Variants in SEMA3A observed in about 807,000 individuals in gnomAD.
SEMA3A encodes semaphorin-3A.
SEMA3A carries 29 observed loss-of-function variants against 97.9 expected under a neutral mutation model. The ratio of observed to expected loss-of-function variants is 0.30; its 90% CI spans 0.22 to 0.40. The LOEUF is 0.40. Among genes scored for constraint, SEMA3A ranks in the 10% least tolerant of loss-of-function variants. SEMA3A has a pLI of 1.00. For missense variants in SEMA3A, 763 were observed against 951.3 expected, an observed-to-expected ratio of 0.80 and a Z score of 2.60; for synonymous variants, 321 against 323.7, an observed-to-expected ratio of 0.99 and a Z score of 0.09.
intron 3 of SEMA3A, among the ~76,000 whole-genome samples, chr7:84,290,609 G>C (rs1376412495): frequency 6.6e-6 from 1 of 152,010 alleles, no homozygotes; most frequent in Non-Finnish European, 1.5e-5. Flanking sequence ...GGCATGGTAA[G>C]TCCTCTCACC....
chr7:84,159,485 T>C (rs1464154642), intron 1 of SEMA3A, among the ~76,000 whole-genome samples: 1 of 152,160 alleles, frequency 6.6e-6, no homozygotes, highest in Non-Finnish European at 1.5e-5. Context: ...ATATTACACA[T>C]AAATCCTGTC....
At chr7:84,318,862 C>A (rs1428727583) in intron 2 of SEMA3A, among the ~76,000 whole-genome samples, 1 of 152,072 alleles carries the variant, frequency 6.6e-6, no homozygotes, top group Non-Finnish European at 1.5e-5. Context: ...TATAAAGTCA[C>A]CAGATAATGC....
chr7:84,284,736 T>C (rs778426709), intron 3 of SEMA3A, among the ~76,000 whole-genome samples: 5 of 152,154 alleles, frequency 3.3e-5, no homozygotes, highest in Non-Finnish European at 7.4e-5. Flanking sequence ...AGGAGGAGAA[T>C]GTGCTTATTT....
chr7:84,420,042 A>C (rs1804544549), intron 1 of SEMA3A, among the ~76,000 whole-genome samples: 1 of 152,158 alleles, frequency 6.6e-6, no homozygotes, highest in Admixed American at 6.6e-5. Flanking sequence ...AAAAGTTACT[A>C]AATATATTTT....
chr7:84,407,464 C>T (rs1239816808), intron 1 of SEMA3A, among the ~76,000 whole-genome samples: 1 of 152,022 alleles, frequency 6.6e-6, no homozygotes, highest in Non-Finnish European at 1.5e-5. Context: ...AATGGTCATA[C>T]TGCCCAAGGT....
intron 6 of SEMA3A, among the ~76,000 whole-genome samples, chr7:84,040,021 A>G (rs1342557804): frequency 6.6e-6 from 1 of 152,078 alleles, no homozygotes; most frequent in Non-Finnish European, 1.5e-5. Flanking sequence ...ATATTTTATC[A>G]ACATGGAAAG....
chr7:84,055,189 C>G (rs1792901262), intron 5 of SEMA3A, among the ~76,000 whole-genome samples: 1 of 152,162 alleles, frequency 6.6e-6, no homozygotes, highest in African/African-American at 2.4e-5. Flanking sequence ...GAGGTGGAGC[C>G]TACAGAGGCA....
At chr7:84,013,328 A>G (rs1158773340) in intron 7 of SEMA3A, among the ~76,000 whole-genome samples, 1 of 152,180 alleles carries the variant, frequency 6.6e-6, no homozygotes, top group Non-Finnish European at 1.5e-5. Context: ...AACAATTTTT[A>G]TTCTATGTAT....
intron 1 of SEMA3A, among the ~76,000 whole-genome samples, chr7:84,479,527 A>G (rs1806389009): frequency 6.6e-6 from 1 of 152,298 alleles, no homozygotes; most frequent in South Asian, 2.1e-4. Flanking sequence ...AGAGAATAGA[A>G]CTAGATATGG....
chr7:84,264,365 T>C (rs1799938165), intron 3 of SEMA3A, among the ~76,000 whole-genome samples: 1 of 152,218 alleles, frequency 6.6e-6, no homozygotes, highest in South Asian at 2.1e-4. Context: ...CTTGTTCTTT[T>C]TAATTTTCCT....
At chr7:84,487,870 A>C (rs1156863539) in intron 1 of SEMA3A, among the ~76,000 whole-genome samples, 2 of 152,148 alleles carry the variant, frequency 1.3e-5, no homozygotes, top group East Asian at 3.9e-4. Flanking sequence ...TATACAAACC[A>C]AAGGAAAAAT....
At chr7:84,180,310 A>T (rs975954227) in intron 1 of SEMA3A, among the ~76,000 whole-genome samples, 15 of 152,014 alleles carry the variant, frequency 9.9e-5, no homozygotes, top group African/African-American at 2.9e-4. Flanking sequence ...TGCTGCATGA[A>T]ATGAACTCCA....
In SEMA3A at chr7:84,407,028, A is replaced by G. The variant is rs564690061; in HGVS notation, c.-245-35128T>C. On this transcript the variant is annotated intron_variant, in intron 1 of 3. Transcript: ENST00000424555. ...CCCTCTCTCACCACTCCCATTCAACATAGTGTTGGAAGTTCTGGCCAGGGC... is the reference window on the plus strand; with the variant it reads ...CCCTCTCTCACCACTCCCATTCAACGTAGTGTTGGAAGTTCTGGCCAGGGC... Among the ~76,000 whole-genome samples the G allele has an allele frequency of 7.0e-4, 106 of 152,318 alleles. 1 individual carries two copies. The highest frequency in any genetic ancestry group is 2.4e-3 in the African/African-American group (98 of 41,574).
intron 3 of SEMA3A, among the ~76,000 whole-genome samples, chr7:84,270,335 C>T (rs1584188586): frequency 6.6e-6 from 1 of 151,872 alleles, no homozygotes; most frequent in Non-Finnish European, 1.5e-5. Flanking sequence ...ACATCTCAGA[C>T]CTTTATTTAC....
chr7:84,187,952 A>G (rs537080296), intron 1 of SEMA3A, among the ~76,000 whole-genome samples: 3 of 152,124 alleles, frequency 2.0e-5, no homozygotes, highest in Non-Finnish European at 4.4e-5. Context: ...TGACATATTC[A>G]ATAGAATGAA....
At chr7:84,115,227 A>G (rs777598959) in intron 3 of SEMA3A, among the ~76,000 whole-genome samples, 6 of 152,100 alleles carry the variant, frequency 3.9e-5, no homozygotes, top group Non-Finnish European at 7.4e-5. Flanking sequence ...CTGAAAAACA[A>G]CTTTTAAAGT....
intron 1 of SEMA3A, among the ~76,000 whole-genome samples, chr7:84,185,450 T>G (rs944240544): frequency 6.6e-6 from 1 of 151,858 alleles, no homozygotes; most frequent in Admixed American, 6.6e-5. Context: ...GGTGGGCAGA[T>G]CATCTGAGGT....
At chr7:84,258,286 T>G (rs1364371185) in intron 3 of SEMA3A, among the ~76,000 whole-genome samples, 1 of 152,190 alleles carries the variant, frequency 6.6e-6, no homozygotes, top group Non-Finnish European at 1.5e-5. Flanking sequence ...ATGCTGCTAT[T>G]GCTTAGTTTG....
chr7:84,274,840 A>C (rs17158801), intron 3 of SEMA3A, among the ~76,000 whole-genome samples: 3 of 152,058 alleles, frequency 2.0e-5, no homozygotes, highest in Non-Finnish European at 2.9e-5. Flanking sequence ...AAACCTGGAC[A>C]TAAAAGTGCC....
Sources: gnomAD v4.1 joint callset for allele counts (sites outside exome capture counted in the v4.1 genomes callset) on GRCh38, gnomAD v4.1.1 for gene constraint, MANE v1.5 for transcripts, NCBI Gene and HGNC (gene_info 2026-07-23, HGNC 2026-07-21) for gene names.